POLA1: variants seen among roughly 807,000 people sequenced by gnomAD.
POLA1 encodes DNA polymerase alpha catalytic subunit.
POLA1 carries 15 observed loss-of-function variants against 124.0 expected under a neutral mutation model. That is an observed-to-expected ratio of 0.12 (90% confidence interval 0.08 to 0.19). POLA1 has a LOEUF of 0.19. POLA1 is among the 10% of genes least tolerant of loss of function. The pLI, the probability that POLA1 is intolerant of heterozygous loss-of-function variation, is 1.00. For synonymous variants in POLA1, 408 were observed against 389.4 expected (o/e 1.05, Z -0.56); for missense variants, 886 against 1,103.4 (o/e 0.80, Z 2.79).
chrX:24,706,794 G>A (rs1429494997), intron 4 of POLA1, among the ~76,000 whole-genome samples: 2 of 111,667 alleles, frequency 1.8e-5, no homozygotes, highest in Non-Finnish European at 3.8e-5. Context: ...GTAATTTTTT[G>A]TGTGTTTTGT....
At chrX:24,776,776 T>C (rs1389219267) in intron 26 of POLA1, among the ~76,000 whole-genome samples, 1 of 112,174 alleles carries the variant, frequency 8.9e-6, no homozygotes, top group Non-Finnish European at 1.9e-5. Flanking sequence ...AAAGAGAAAC[T>C]AGGTGCCTGT....
At chrX:24,817,571 G>A (rs1009989721) in intron 30 of POLA1, among the ~76,000 whole-genome samples, 4 of 95,291 alleles carry the variant, frequency 4.2e-5, no homozygotes, top group Admixed American at 1.3e-4. Flanking sequence ...TGGCGCCACC[G>A]CACTCCAGCA....
chrX:24,778,821 C>T (rs1323125934), intron 26 of POLA1, among the ~76,000 whole-genome samples: 1 of 111,454 alleles, frequency 9.0e-6, no homozygotes, highest in African/African-American at 3.3e-5. Flanking sequence ...GATTTGAACC[C>T]AGGTGGTTGG....
chrX:24,825,982 C>T (rs1321325418), intron 31 of POLA1, among the ~76,000 whole-genome samples: 1 of 111,891 alleles, frequency 8.9e-6, no homozygotes, highest in African/African-American at 3.3e-5. Flanking sequence ...GTTACTTTGA[C>T]TAGAATTCTT....
chrX:24,749,800 C>A (rs1028144301), intron 26 of POLA1, among the ~76,000 whole-genome samples: 2 of 112,258 alleles, frequency 1.8e-5, no homozygotes, highest in African/African-American at 6.5e-5. Flanking sequence ...GGGCCAGATA[C>A]CAAATAGAAT....
chrX:24,869,636 C>T (rs1292681787), intron 34 of POLA1, among the ~76,000 whole-genome samples: 3 of 112,061 alleles, frequency 2.7e-5, no homozygotes, highest in African/African-American at 9.8e-5. Flanking sequence ...AATATTTCTT[C>T]ATCTGCTGCA....
At chrX:24,982,254 GA>G (rs1318158463) in intron 36 of POLA1, among the ~76,000 whole-genome samples, 1 of 110,649 alleles carries the variant, frequency 9.0e-6, no homozygotes, top group Non-Finnish European at 1.9e-5. Flanking sequence ...AAAAAAGAAA[GA>G]AAAAAAGATG....
In POLA1 at chrX:24,918,823, AAGTG is replaced by A. The variant is rs201739976; in HGVS notation, c.4165-11627_4165-11624del. Among the ~76,000 whole-genome samples the A allele has an allele frequency of 5.4e-5, 6 of 110,523 alleles. No individual in the cohort carries two copies. The East Asian group carries it at 1.7e-3, about 32-fold the overall frequency. Reference sequence around the variant, plus strand: ...TGTAGAGATCGCATGGTGAGAGAAGAAGTGAGAGACAGAGGAGGGGAGGTGTGAG... The same window carrying A: ...TGTAGAGATCGCATGGTGAGAGAAGAAGAGACAGAGGAGGGGAGGTGTGAG... On this transcript the variant is annotated intron_variant, in intron 35 of 36. Transcript: ENST00000379068.
intron 34 of POLA1, among the ~76,000 whole-genome samples, chrX:24,854,206 C>T (rs1401366027): frequency 2.7e-5 from 3 of 110,796 alleles, no homozygotes; most frequent in African/African-American, 3.3e-5. Flanking sequence ...CCACCACGCT[C>T]GGCTAATTTT....
intron 36 of POLA1, among the ~76,000 whole-genome samples, chrX:24,967,609 C>T (rs2048238945): frequency 9.1e-6 from 1 of 110,272 alleles, no homozygotes; most frequent in Non-Finnish European, 1.9e-5. Flanking sequence ...CATAGTGAAC[C>T]GAGACTGCAC....
intron 32 of POLA1, among the ~76,000 whole-genome samples, chrX:24,831,855 G>A (rs990964230): frequency 8.9e-6 from 1 of 112,232 alleles, no homozygotes; most frequent in Non-Finnish European, 1.9e-5. Context: ...GCCATTCCAA[G>A]CATATCATCC....
chrX:24,916,788 G>A (rs1330908543), intron 35 of POLA1, among the ~76,000 whole-genome samples: 1 of 112,430 alleles, frequency 8.9e-6, no homozygotes, highest in Non-Finnish European at 1.9e-5. Context: ...TTAGGTGAAA[G>A]TAGTTGAGAG....
intron 26 of POLA1, among the ~76,000 whole-genome samples, chrX:24,766,421 A>G (rs943227711): frequency 8.9e-6 from 1 of 111,881 alleles, no homozygotes; most frequent in East Asian, 2.8e-4. Context: ...TAAGTCAGCT[A>G]CCTGCTTTCC....
intron 35 of POLA1, among the ~76,000 whole-genome samples, chrX:24,913,097 A>G (rs1275216699): frequency 8.9e-6 from 1 of 112,342 alleles, no homozygotes; most frequent in Non-Finnish European, 1.9e-5. Context: ...ATAATAGCCT[A>G]AAACTGGAAA....
intron 1 of POLA1, among the ~76,000 whole-genome samples, chrX:24,697,911 G>C (rs1928127363): frequency 9.1e-6 from 1 of 110,482 alleles, no homozygotes; most frequent in Admixed American, 9.7e-5. Flanking sequence ...TTCATCAGTG[G>C]GTATGTGAAA....
intron 29 of POLA1, 48 bp from the exon 30 acceptor site, chrX:24,814,931 A>C: frequency 9.0e-7 from 1 of 1,105,167 alleles, no homozygotes; most frequent in Non-Finnish European, 1.2e-6. Flanking sequence ...AAAATATATT[A>C]AAAAATCAAC....
At chrX:24,871,800 T>C (rs1044079244) in intron 34 of POLA1, among the ~76,000 whole-genome samples, 1 of 111,450 alleles carries the variant, frequency 9.0e-6, no homozygotes, top group Non-Finnish European at 1.9e-5. Context: ...AAGACTTATG[T>C]TAGGGAAGGG....
At chrX:24,840,353 C>T (rs2046394390) in intron 32 of POLA1, among the ~76,000 whole-genome samples, 1 of 112,068 alleles carries the variant, frequency 8.9e-6, no homozygotes, top group Non-Finnish European at 1.9e-5. Context: ...GCGTTGAACT[C>T]GGTTTGTTCT....
chrX:24,818,916 A>G (rs1418791408), intron 30 of POLA1, among the ~76,000 whole-genome samples: 1 of 112,303 alleles, frequency 8.9e-6, no homozygotes, highest in Non-Finnish European at 1.9e-5. Context: ...GAAGAAATCC[A>G]GTTTAACCCA....
Sources: gnomAD v4.1 joint callset for allele counts (sites outside exome capture counted in the v4.1 genomes callset) on GRCh38, gnomAD v4.1.1 for gene constraint, MANE v1.5 for transcripts, NCBI Gene and HGNC (gene_info 2026-07-23, HGNC 2026-07-21) for gene names.